The following SETD3 variants were observed in gnomAD, a reference collection of about 807,000 sequenced individuals.
SETD3 encodes SET domain containing 3, actin N3(tau)-histidine methyltransferase.
SETD3 carries 19 observed loss-of-function variants against 63.0 expected under a neutral mutation model. That is an observed-to-expected ratio of 0.30 (90% CI 0.21 to 0.44). SETD3 has a LOEUF of 0.44. Ranked by LOEUF, SETD3 falls within the 20% of genes least tolerant of loss-of-function variation. The probability of loss-of-function intolerance (pLI) is 1.00; values close to 1 mark genes in which losing one functional copy is unlikely to be tolerated. For synonymous variants in SETD3, 286 were observed against 264.1 expected (o/e 1.08, Z -0.80); for missense variants, 587 against 728.5 (o/e 0.81, Z 2.24).
At chr14:99,420,288 A>ACCCCC in intron 6 of SETD3, among the ~76,000 whole-genome samples, 1 of 151,314 alleles carries the variant, frequency 6.6e-6, no homozygotes, top group South Asian at 2.1e-4. Flanking sequence ...GTCTTCTTTG[A>ACCCCC]CCCCCTGTGA....
At chr14:99,453,745 G>A (rs1262869239) in intron 6 of SETD3, among the ~76,000 whole-genome samples, 1 of 151,828 alleles carries the variant, frequency 6.6e-6, no homozygotes, top group Admixed American at 6.6e-5. Context: ...AGAATTGCTT[G>A]AACCCGGGAG....
intron 12 of SETD3, 117 bp downstream of exon 12, chr14:99,399,982 C>T (rs116934385): frequency 0.072 from 61,125 of 846,306 alleles, 2,508 homozygotes; most frequent in East Asian, 0.12. Flanking sequence ...CCTCGTGATC[C>T]GCCCCGCCTC....
Position 99,404,283 on chromosome 14 carries a change from G to A in SETD3, c.1119C>T (p.Thr373=), listed in dbSNP as rs144345236. The A allele has an allele frequency of 5.8e-4, 938 of 1,614,008 alleles. 9 individuals are homozygous for A. Among genetic ancestry groups the A allele is most frequent in the Middle Eastern group, 4.9e-3 (30 of 6,062 alleles). The change falls in exon 11 of 13, where the codon ACC becomes ACT. Residue 373 remains threonine (T), a synonymous_variant. Coordinates refer to ENST00000331768, the MANE Select transcript of SETD3 (RefSeq NM_032233.3). ...AAAGCTGAGCAGAGATGGGCGGCTC[G>A]GTAAAATGCAATGCAAAAACACTGG... The part of the protein sequence containing the change: ...PTSSVFALHF[T]EPPISAQLLA...
intron 3 of SETD3, 90 bp downstream of exon 3, chr14:99,463,396 G>T: frequency 1.1e-6 from 1 of 931,184 alleles, no homozygotes; most frequent in Non-Finnish European, 1.7e-6. Context: ...CACCAATGAT[G>T]CTGAGACCTT....
At chr14:99,445,584 G>T (rs1894086573) in intron 6 of SETD3, among the ~76,000 whole-genome samples, 1 of 152,218 alleles carries the variant, frequency 6.6e-6, no homozygotes, top group Non-Finnish European at 1.5e-5. Context: ...CAGGATAGCT[G>T]CAGTCTAAAC....
chr14:99,420,818 C>A (rs1026222927), intron 6 of SETD3, among the ~76,000 whole-genome samples: 1 of 151,820 alleles, frequency 6.6e-6, no homozygotes, highest in Admixed American at 6.6e-5. Flanking sequence ...CTCGCCCCAC[C>A]CCCAACTCAC....
At chr14:99,439,518 G>A (rs1052533671) in intron 6 of SETD3, among the ~76,000 whole-genome samples, 15 of 151,324 alleles carry the variant, frequency 9.9e-5, no homozygotes, top group East Asian at 7.8e-4. Flanking sequence ...ACCTATGACC[G>A]AACCACAGGA....
chr14:99,449,634 G>T (rs1053029889), intron 6 of SETD3, among the ~76,000 whole-genome samples: 1 of 152,160 alleles, frequency 6.6e-6, no homozygotes, highest in Non-Finnish European at 1.5e-5. Flanking sequence ...GATTTGAGAA[G>T]ATTCGACAAC....
rs943572375 is a variant in SETD3 at position 99,458,596 on chromosome 14, A to C, written c.419-61T>G. ...CAAACTTCTTAAAAACTTCATTTAA[A>C]TATACGTTTACAAATTACAGAAAAA... On this transcript the variant is annotated intron_variant, in intron 5 of 12. Coordinates refer to ENST00000331768, the MANE Select transcript of SETD3 (RefSeq NM_032233.3). 6 of 1,556,336 alleles carry C rather than the reference A, an allele frequency of 3.9e-6. No individual in the cohort carries two copies. In the African/African-American group the frequency reaches 8.3e-5, roughly 22 times the overall value.
Position 99,410,302 on chromosome 14 carries a change from C to G in SETD3, c.849+2649G>C, listed in dbSNP as rs1377029148. ...CAGGTTGTTCGGAGAGACTTGTCTG[C>G]TATTGTAAAAATGGGCTTTTGAGAC... On this transcript the variant is annotated intron_variant, in intron 8 of 12. Transcript: ENST00000331768. 3.8e-6 allele frequency: 6 copies of G among 1,599,868 alleles called. No individual in the cohort carries two copies. In the East Asian group the frequency reaches 1.3e-4, roughly 36 times the overall value.
At position 99,459,118 on chromosome 14, in the gene SETD3, A is replaced by T; in HGVS notation, c.413T>A (p.Val138Glu). Reference protein sequence around the residue: ...LMTVESAKNSVLGPLYSQDRI... With the variant: ...LMTVESAKNSELGPLYSQDRI... ...GAGTCAGAAATTATTCTCACCCAAC[A>T]CTGAATTTTTAGCAGATTCAACAGT... The change falls in exon 5 of 13, where the codon GTG (valine) becomes GAG (glutamate). Residue 138 changes from valine (V) to glutamate (E), a missense_variant. Val to Glu is a moderately radical substitution (Grantham distance 121). Transcript: ENST00000331768. The T allele has an allele frequency of 6.2e-7, 1 of 1,609,416 alleles. No homozygotes were observed. The highest frequency in any genetic ancestry group is 8.5e-7 in the Non-Finnish European group (1 of 1,177,992).
chr14:99,450,640 G>C (rs558049597), intron 6 of SETD3, among the ~76,000 whole-genome samples: 7 of 152,328 alleles, frequency 4.6e-5, no homozygotes, highest in Middle Eastern at 6.8e-3. Flanking sequence ...GGAGGCTGCT[G>C]CAATGATGCT....
intron 6 of SETD3, among the ~76,000 whole-genome samples, chr14:99,442,506 G>A (rs1267213159): frequency 6.6e-6 from 1 of 152,188 alleles, no homozygotes; most frequent in Admixed American, 6.5e-5. Flanking sequence ...TTTTCTTCCA[G>A]ATCTGCCACT....
Position 99,398,676 on chromosome 14 carries a change from G to A in SETD3, c.*3C>T, listed in dbSNP as rs369903929. The stretch of plus-strand genomic sequence containing the variant: ...TGGATCCCCCATCCAGCTTCACCTC[G>A]AGCTACTCCTTAACTCCAGCAGTGC... On this transcript the variant is annotated 3_prime_UTR_variant, in exon 13 of 13. Coordinates refer to ENST00000331768, the MANE Select transcript of SETD3 (RefSeq NM_032233.3). 34 of 1,610,890 alleles carry A rather than the reference G, an allele frequency of 2.1e-5. No homozygotes were observed. The East Asian group carries it at 4.2e-4, about 20-fold the overall frequency.
At chr14:99,442,958 C>T (rs1008435265) in intron 6 of SETD3, among the ~76,000 whole-genome samples, 4 of 152,188 alleles carry the variant, frequency 2.6e-5, no homozygotes, top group African/African-American at 9.6e-5. Context: ...CAACCACACA[C>T]TCTGACGCGG....
chr14:99,415,415 T>TTCA (rs1566879715), intron 6 of SETD3, among the ~76,000 whole-genome samples: 3 of 152,302 alleles, frequency 2.0e-5, no homozygotes, highest in African/African-American at 7.2e-5. Flanking sequence ...TAAAAATAAC[T>TTCA]TCAAGAGTCT....
chr14:99,415,096 TTAAG>T (rs1892220159), intron 6 of SETD3, among the ~76,000 whole-genome samples: 3 of 152,252 alleles, frequency 2.0e-5, no homozygotes, highest in Non-Finnish European at 4.4e-5. Flanking sequence ...AGGCTGCCAA[TTAAG>T]TGTTAGTTTT....
At chr14:99,434,544 ACTT>A (rs1212187089) in intron 6 of SETD3, among the ~76,000 whole-genome samples, 2 of 152,184 alleles carry the variant, frequency 1.3e-5, no homozygotes, top group Non-Finnish European at 2.9e-5. Flanking sequence ...TGGTTGTGCT[ACTT>A]GAGTACAAAA....
intron 3 of SETD3, among the ~76,000 whole-genome samples, chr14:99,462,390 C>T (rs956108203): frequency 2.0e-5 from 3 of 152,132 alleles, no homozygotes; most frequent in Non-Finnish European, 2.9e-5. Flanking sequence ...ATAGCTCAGG[C>T]GCCTGTGGCC....
Sources: gnomAD v4.1 joint callset for allele counts (sites outside exome capture counted in the v4.1 genomes callset) on GRCh38, gnomAD v4.1.1 for gene constraint, MANE v1.5 for transcripts, NCBI Gene and HGNC (gene_info 2026-07-23, HGNC 2026-07-21) for gene names.